The following SHTN1 variants were observed in gnomAD, a reference collection of about 807,000 sequenced individuals.
The protein encoded by SHTN1 is shootin-1.
A neutral mutation model predicts 83.1 loss-of-function variants in SHTN1; 42 were observed. That is an observed-to-expected ratio of 0.51 (90% CI 0.39 to 0.65). The LOEUF (loss-of-function observed/expected upper bound fraction) is 0.65, where lower values mean the gene tolerates loss of function less well. Ranked by LOEUF, SHTN1 falls within the 30% of genes least tolerant of loss-of-function variation. The pLI, the probability that SHTN1 is intolerant of heterozygous loss-of-function variation, is 0.00. For synonymous variants in SHTN1, 224 were observed against 247.7 expected, an observed-to-expected ratio of 0.90 and a Z score of 0.90; for missense variants, 622 against 737.8, an observed-to-expected ratio of 0.84 and a Z score of 1.82.
intron 2 of SHTN1, among the ~76,000 whole-genome samples, chr10:117,012,104 A>C (rs1379408552): frequency 6.6e-6 from 1 of 150,762 alleles, no homozygotes; most frequent in Non-Finnish European, 1.5e-5. Flanking sequence ...GCGCCACTGC[A>C]TTCCAGCCTG....
At chr10:116,945,092 G>T in intron 7 of SHTN1, 74 bp from the exon 8 acceptor site, 1 of 934,154 alleles carries the variant, frequency 1.1e-6, no homozygotes, top group Non-Finnish European at 1.7e-6. Flanking sequence ...ATGAAAAACA[G>T]TGTTGAAAAG....
intron 2 of SHTN1, among the ~76,000 whole-genome samples, chr10:117,029,020 C>G (rs1852368839): frequency 6.6e-6 from 1 of 152,200 alleles, no homozygotes; most frequent in Non-Finnish European, 1.5e-5. Context: ...CACTCAATGC[C>G]AGCCCATGAG....
In SHTN1 at chr10:116,930,687, A is replaced by G. The variant is rs550524482; in HGVS notation, c.859-685T>C. ...TGCTGTTGCATATAGTGCTGCGATG[A>G]ATATGTGTGCACGTGTCTTTATGGT... On this transcript the variant is annotated intron_variant, in intron 9 of 16. Transcript: ENST00000355371. Among the ~76,000 whole-genome samples the G allele has an allele frequency of 7.3e-4, 111 of 152,286 alleles. 2 individuals are homozygous for G. In the South Asian group the frequency reaches 0.022, roughly 30 times the overall value.
At chr10:117,085,231 AC>A (rs1853333481) in intron 1 of SHTN1, among the ~76,000 whole-genome samples, 1 of 152,182 alleles carries the variant, frequency 6.6e-6, no homozygotes, top group Non-Finnish European at 1.5e-5. Context: ...AGGTTAAAAA[AC>A]ATTATCGATT....
At position 117,005,057 on chromosome 10, in the gene SHTN1, T is replaced by C. The variant is rs746080176; in HGVS notation, c.23A>G (p.Lys8Arg). Residue 8 changes from lysine (K) to arginine (R), a missense_variant, in exon 1 of 17, where the codon AAG becomes AGG. Physicochemically the swap from Lys to Arg is conservative, Grantham distance 26. Coordinates refer to ENST00000355371, the MANE Select transcript of SHTN1 (RefSeq NM_001127211.3). MNSSDEE[K>R]QLQLITSLKE... is the part of the protein sequence containing the mutation. ...CAGACTGGTAATGAGCTGCAGCTGC[T>C]TCTCTTCGTCCGAGCTGTTCATTTT... The C allele has an allele frequency of 6.3e-7, 1 of 1,599,076 alleles. No homozygotes were observed. The highest frequency in any genetic ancestry group is 1.1e-5 in the South Asian group (1 of 88,018).
intron 1 of SHTN1, among the ~76,000 whole-genome samples, chr10:117,064,007 T>C (rs1168389143): frequency 6.6e-6 from 1 of 152,208 alleles, no homozygotes; most frequent in Non-Finnish European, 1.5e-5. Flanking sequence ...GAATAAAGGA[T>C]GGTCCTTTAA....
chr10:117,125,896 C>T (rs1190362934), intron 1 of SHTN1, among the ~76,000 whole-genome samples: 3 of 152,130 alleles, frequency 2.0e-5, no homozygotes, highest in South Asian at 2.1e-4. Context: ...GGGCTGATGA[C>T]CTGACTTTCT....
At chr10:117,083,609 T>G (rs2133613940) in intron 1 of SHTN1, among the ~76,000 whole-genome samples, 1 of 151,012 alleles carries the variant, frequency 6.6e-6, no homozygotes, top group South Asian at 2.1e-4. Flanking sequence ...GAAGTTCTCC[T>G]GGATAATATC....
chr10:116,893,106 T>G (rs763447856), intron 16 of SHTN1, among the ~76,000 whole-genome samples: 7 of 152,196 alleles, frequency 4.6e-5, no homozygotes, highest in Admixed American at 2.0e-4. Context: ...TTACACTAGG[T>G]GTAATACATC....
intron 1 of SHTN1, among the ~76,000 whole-genome samples, chr10:117,056,021 T>C (rs1852821762): frequency 6.6e-6 from 1 of 152,148 alleles, no homozygotes; most frequent in Non-Finnish European, 1.5e-5. Context: ...AAAACTTAAC[T>C]GAGATGAAAC....
chr10:116,946,135 AC>A (rs1253227313), intron 7 of SHTN1, among the ~76,000 whole-genome samples: 1 of 151,306 alleles, frequency 6.6e-6, no homozygotes, highest in Non-Finnish European at 1.5e-5. Context: ...TTTGTAAGGT[AC>A]CAGCAAGTAT....
rs1233162619 is a variant in SHTN1, at chr10:117,059,262, T to C, written c.-188-10752A>G. On this transcript the variant is annotated intron_variant, in intron 1 of 17. Coordinates refer to the SHTN1 transcript ENST00000392901. ...ATCACTCACACATTGCTGGTGAGAA[T>C]GTAAAATATAGAGTACAGCCACTCT... Among the ~76,000 whole-genome samples the C allele has an allele frequency of 4.6e-5, 7 of 152,174 alleles. No homozygotes were observed. The East Asian group carries it at 5.8e-4, about 13-fold the overall frequency.
At chr10:117,029,064 C>G (rs959120795) in intron 2 of SHTN1, among the ~76,000 whole-genome samples, 1 of 152,194 alleles carries the variant, frequency 6.6e-6, no homozygotes, top group African/African-American at 2.4e-5. Flanking sequence ...TGCAAAGCCA[C>G]AGGGGCAGAG....
At chr10:117,041,896 C>A (rs1852589668) in intron 2 of SHTN1, among the ~76,000 whole-genome samples, 1 of 152,144 alleles carries the variant, frequency 6.6e-6, no homozygotes, top group Admixed American at 6.5e-5. Flanking sequence ...AAAGAACCAA[C>A]AGAATGATAT....
intron 1 of SHTN1, among the ~76,000 whole-genome samples, chr10:117,098,950 G>A (rs966085284): frequency 2.8e-5 from 4 of 142,256 alleles, no homozygotes; most frequent in South Asian, 4.6e-4. Flanking sequence ...TACTTAGTAC[G>A]GAAAAATTCA....
chr10:117,112,693 GT>G (rs1853785837), intron 1 of SHTN1, among the ~76,000 whole-genome samples: 2 of 152,158 alleles, frequency 1.3e-5, no homozygotes, highest in Admixed American at 1.3e-4. Context: ...CAGCCTAGAC[GT>G]ATTTCCACTG....
At chr10:117,018,784 G>T (rs1301505506) in intron 2 of SHTN1, among the ~76,000 whole-genome samples, 1 of 152,014 alleles carries the variant, frequency 6.6e-6, no homozygotes, top group African/African-American at 2.4e-5. Context: ...TGTTGGCCAG[G>T]CTGGTCTTGA....
At position 117,108,513 on chromosome 10, in the gene SHTN1, C is replaced by G. The variant is rs1853704008; in HGVS notation, c.-189+17794G>C. ...ATAGGTGGGAATTGAACAATGAGAA[C>G]ACCTGGACACAGGAAGGGGAACATC... On this transcript the variant is annotated intron_variant, in intron 1 of 17. Transcript: ENST00000392901. 2.2e-5 allele frequency among the ~76,000 whole-genome samples: 3 copies of G among 136,964 alleles called. No homozygotes were observed. The South Asian group carries it at 6.8e-4, about 31-fold the overall frequency. 89.9% of individuals were successfully genotyped at this position (136,964 alleles called of 152,430 possible).
intron 2 of SHTN1, among the ~76,000 whole-genome samples, chr10:117,036,446 T>A (rs1015894377): frequency 6.6e-6 from 1 of 152,196 alleles, no homozygotes; most frequent in African/African-American, 2.4e-5. Context: ...AATGGAGTAC[T>A]ATTCAGCCAC....
Sources: allele counts gnomAD v4.1 joint callset (sites outside exome capture counted in the v4.1 genomes callset), GRCh38; gene constraint gnomAD v4.1.1; transcripts MANE v1.5; gene names NCBI Gene and HGNC (gene_info 2026-07-23, HGNC 2026-07-21).